Variants in SLC25A48 observed in about 807,000 individuals in gnomAD.
SLC25A48 encodes solute carrier family 25 member 48.
SLC25A48 carries 29 observed loss-of-function variants against 32.2 expected under a neutral mutation model. The observed-to-expected ratio is 0.90, with a 90% CI of 0.67 to 1.23. The LOEUF (loss-of-function observed/expected upper bound fraction) is 1.23, where lower values mean the gene tolerates loss of function less well. Among genes scored for constraint, SLC25A48 ranks in the 50% most tolerant of loss-of-function variants. The pLI, the probability that SLC25A48 is intolerant of heterozygous loss-of-function variation, is 0.00. For missense variants in SLC25A48, 399 were observed against 422.7 expected, an observed-to-expected ratio of 0.94 and a Z score of 0.49; for synonymous variants, 164 against 172.3, an observed-to-expected ratio of 0.95 and a Z score of 0.38.
intron 1 of SLC25A48, among the ~76,000 whole-genome samples, chr5:135,841,486 A>G (rs1228642238): frequency 6.6e-6 from 1 of 152,214 alleles, no homozygotes; most frequent in African/African-American, 2.4e-5. Flanking sequence ...TAAAAACCAA[A>G]TTGACACCAG....
intron 3 of SLC25A48, among the ~76,000 whole-genome samples, chr5:135,747,087 G>A (rs1352401810): frequency 6.6e-6 from 1 of 151,644 alleles, no homozygotes; most frequent in East Asian, 1.9e-4. Flanking sequence ...TAAAGGTGGT[G>A]TCTGCCCCAT....
At chr5:135,682,408 C>A (rs930365432) in intron 3 of SLC25A48, among the ~76,000 whole-genome samples, 1 of 152,050 alleles carries the variant, frequency 6.6e-6, no homozygotes, top group African/African-American at 2.4e-5. Flanking sequence ...TCAACCTGGC[C>A]AAGGATTAGG....
intron 4 of SLC25A48, among the ~76,000 whole-genome samples, chr5:135,822,549 A>G (rs1219497727): frequency 6.6e-6 from 1 of 152,056 alleles, no homozygotes; most frequent in Non-Finnish European, 1.5e-5. Context: ...ATCACATGAC[A>G]TTCTACCTGT....
chr5:135,887,231 G>A (rs143230720), intron 7 of SLC25A48, among the ~76,000 whole-genome samples: 28 of 152,130 alleles, frequency 1.8e-4, no homozygotes, highest in Non-Finnish European at 3.8e-4. Context: ...CCGTTTTTGC[G>A]GCGAAGTCTG....
intron 3 of SLC25A48, among the ~76,000 whole-genome samples, chr5:135,703,346 G>T (rs1055889015): frequency 1.3e-5 from 2 of 152,160 alleles, no homozygotes; most frequent in Non-Finnish European, 2.9e-5. Context: ...ACCCCACACG[G>T]CAGCCCAGTG....
chr5:135,854,939 C>T (rs1760181422), intron 4 of SLC25A48, among the ~76,000 whole-genome samples: 1 of 152,308 alleles, frequency 6.6e-6, no homozygotes, highest in African/African-American at 2.4e-5. Flanking sequence ...TGTAGAATTA[C>T]AAACTGGCCT....
intron 3 of SLC25A48, among the ~76,000 whole-genome samples, chr5:135,771,156 T>G (rs763562001): frequency 3.3e-5 from 5 of 151,416 alleles, no homozygotes; most frequent in African/African-American, 1.2e-4. Context: ...AAAATGATAT[T>G]AATTTCAATA....
intron 3 of SLC25A48, among the ~76,000 whole-genome samples, chr5:135,638,853 C>G (rs994752376): frequency 3.9e-5 from 6 of 152,136 alleles, no homozygotes; most frequent in Non-Finnish European, 8.8e-5. Context: ...ACTATATGAA[C>G]CTTTCCTCTG....
At chr5:135,595,818 T>C (rs1163361121) in intron 1 of SLC25A48, among the ~76,000 whole-genome samples, 1 of 152,238 alleles carries the variant, frequency 6.6e-6, no homozygotes, top group Non-Finnish European at 1.5e-5. Flanking sequence ...ACATGCTCCA[T>C]ACCTGTTAAC....
Position 135,888,243 on chromosome 5 carries a change from C to T in SLC25A48, c.*219C>T. ...CCCTCCAAGGTTCTGATCCCCAATG[C>T]CCACTCTGCTAGGCTGGCATCAAAG... On this transcript the variant is annotated 3_prime_UTR_variant, in exon 8 of 8. Coordinates refer to ENST00000681962, the MANE Select transcript of SLC25A48 (RefSeq NM_001349336.2). The T allele has an allele frequency of 1.7e-6, 1 of 596,104 alleles. No individual in the cohort carries two copies. The highest frequency in any genetic ancestry group is 2.9e-6 in the Non-Finnish European group (1 of 343,376). 36.9% of individuals were successfully genotyped at this position (596,104 alleles called of 1,614,324 possible).
chr5:135,781,069 A>G (rs1431241997), intron 3 of SLC25A48, among the ~76,000 whole-genome samples: 1 of 114,840 alleles, frequency 8.7e-6, no homozygotes, highest in Non-Finnish European at 2.1e-5. Context: ...ACCACCTCTG[A>G]TATTGTTCCT....
intron 1 of SLC25A48, among the ~76,000 whole-genome samples, chr5:135,604,650 A>G (rs756236016): frequency 1.3e-5 from 2 of 152,234 alleles, no homozygotes; most frequent in Non-Finnish European, 2.9e-5. Flanking sequence ...GCTTTTTCCT[A>G]CAATTGATAC....
At chr5:135,803,476 A>T (rs1055312333) in intron 3 of SLC25A48, among the ~76,000 whole-genome samples, 1 of 152,004 alleles carries the variant, frequency 6.6e-6, no homozygotes, top group Non-Finnish European at 1.5e-5. Flanking sequence ...ATTACTCCTA[A>T]TATCATAGTT....
At chr5:135,673,374 GCCC>G (rs1375700008) in intron 3 of SLC25A48, among the ~76,000 whole-genome samples, 1 of 152,110 alleles carries the variant, frequency 6.6e-6, no homozygotes, top group Non-Finnish European at 1.5e-5. Flanking sequence ...TTCAGTTCCT[GCCC>G]ATGCTAACAC....
intron 3 of SLC25A48, among the ~76,000 whole-genome samples, chr5:135,789,803 C>A (rs1045352893): frequency 6.6e-6 from 1 of 151,968 alleles, no homozygotes; most frequent in Non-Finnish European, 1.5e-5. Context: ...TCTGGGTGTA[C>A]AATCCTTTGT....
intron 3 of SLC25A48, among the ~76,000 whole-genome samples, chr5:135,637,867 T>C (rs1022368494): frequency 6.6e-6 from 1 of 152,208 alleles, no homozygotes; most frequent in Non-Finnish European, 1.5e-5. Flanking sequence ...GTTGTTGTTG[T>C]TGTTGTAGCT....
intron 2 of SLC25A48, 98 bp downstream of exon 2, chr5:135,842,557 T>G: frequency 1.6e-6 from 2 of 1,288,216 alleles, no homozygotes; most frequent in Non-Finnish European, 1.1e-6. Context: ...CAGAGAGTCT[T>G]CTGCCCAGGG....
intron 3 of SLC25A48, among the ~76,000 whole-genome samples, chr5:135,732,093 G>A (rs62364624): frequency 0.13 from 20,416 of 151,906 alleles, 615 homozygotes; most frequent in South Asian, 0.18. Context: ...GGACAGGCCC[G>A]AATTTTGAGA....
intron 3 of SLC25A48, among the ~76,000 whole-genome samples, chr5:135,724,918 G>A (rs915873036): frequency 1.3e-5 from 2 of 152,256 alleles, no homozygotes; most frequent in Non-Finnish European, 2.9e-5. Flanking sequence ...ACAGACTCGG[G>A]TGTGTGAGGA....
Sources: gnomAD v4.1 joint callset for allele counts (sites outside exome capture counted in the v4.1 genomes callset) on GRCh38, gnomAD v4.1.1 for gene constraint, MANE v1.5 for transcripts, NCBI Gene and HGNC (gene_info 2026-07-23, HGNC 2026-07-21) for gene names.